BEND5: variants seen among roughly 807,000 people sequenced by gnomAD.
The protein encoded by BEND5 is BEN domain containing 5, also known as BEN domain-containing protein 5.
Under a neutral mutation model 43.9 loss-of-function variants are expected in BEND5, and 22 were observed. The observed-to-expected ratio is 0.50, with a 90% CI of 0.36 to 0.72. The LOEUF is 0.72. Among genes scored for constraint, BEND5 ranks in the 30% least tolerant of loss-of-function variants. The pLI is 0.00. For missense variants in BEND5, 428 were observed against 550.6 expected (o/e 0.78, Z 2.23); for synonymous variants, 228 against 225.9 (o/e 1.01, Z -0.08).
intron 5 of BEND5, among the ~76,000 whole-genome samples, chr1:48,729,461 G>T (rs1445808266): frequency 2.0e-5 from 3 of 152,150 alleles, no homozygotes; most frequent in African/African-American, 7.2e-5. Flanking sequence ...TCAACCTTGA[G>T]GAATTGCTAT....
intron 1 of BEND5, among the ~76,000 whole-genome samples, chr1:48,764,302 T>C (rs1035758750): frequency 2.0e-5 from 3 of 152,226 alleles, no homozygotes; most frequent in Non-Finnish European, 4.4e-5. Flanking sequence ...TCCTCATCTA[T>C]GAATTGAAGT....
chr1:48,743,502 A>T (rs1650257128), intron 3 of BEND5, among the ~76,000 whole-genome samples: 1 of 152,258 alleles, frequency 6.6e-6, no homozygotes, highest in African/African-American at 2.4e-5. Flanking sequence ...GCAGAGAAAC[A>T]GGATGAAAAT....
chr1:48,759,423 G>T, intron 2 of BEND5, 139 bp from the exon 3 acceptor site: 1 of 1,347,012 alleles, frequency 7.4e-7, no homozygotes, highest in Non-Finnish European at 9.7e-7. Context: ...CAAACACTTA[G>T]TCAAAGCCCT....
intron 4 of BEND5, among the ~76,000 whole-genome samples, chr1:48,739,483 A>G (rs1649575150): frequency 6.6e-6 from 1 of 152,184 alleles, no homozygotes; most frequent in South Asian, 2.1e-4. Flanking sequence ...CATCTACACT[A>G]CAAAATTCCG....
At chr1:48,751,728 TG>T (rs1394849722) in intron 3 of BEND5, among the ~76,000 whole-genome samples, 1 of 152,006 alleles carries the variant, frequency 6.6e-6, no homozygotes, top group Non-Finnish European at 1.5e-5. Context: ...ATTCTGACAA[TG>T]GGGAAAAGCC....
intron 3 of BEND5, among the ~76,000 whole-genome samples, chr1:48,756,716 C>T (rs1643949706): frequency 6.6e-6 from 1 of 152,212 alleles, no homozygotes; most frequent in Non-Finnish European, 1.5e-5. Context: ...ACATTAGCAT[C>T]CTCCTATTAA....
Position 48,759,118 on chromosome 1 carries a change from G to C in BEND5, c.527C>G (p.Ala176Gly). Residue 176 changes from alanine (A) to glycine (G), a missense_variant, in exon 3 of 6, where the codon GCT becomes GGT. Physicochemically the swap from Ala to Gly is moderately conservative, Grantham distance 60. Coordinates refer to ENST00000371833, the MANE Select transcript of BEND5 (RefSeq NM_024603.4). ...CTCATACAGAGCCCGGGGCACCACA[G>C]CATCTTCTAGACTGTCCATGTCCTC... The part of the protein sequence containing the change: ...GTEDMDSLED[A>G]VVPRALYEEL... 3 of 1,612,310 alleles carry C rather than the reference G, an allele frequency of 1.9e-6. No individual in the cohort carries two copies. Among genetic ancestry groups the C allele is most frequent in the Middle Eastern group, 1.7e-4 (1 of 6,046 alleles).
At chr1:48,749,885 G>A (rs1427019962) in intron 3 of BEND5, among the ~76,000 whole-genome samples, 2 of 152,210 alleles carry the variant, frequency 1.3e-5, no homozygotes, top group Non-Finnish European at 2.9e-5. Context: ...TTCAATGCAT[G>A]TAAAATGGAC....
At chr1:48,752,821 C>G (rs750629533) in intron 3 of BEND5, among the ~76,000 whole-genome samples, 3 of 152,064 alleles carry the variant, frequency 2.0e-5, no homozygotes, top group Non-Finnish European at 4.4e-5. Context: ...ATGATCTTGG[C>G]TCACTGCAAC....
intron 1 of BEND5, among the ~76,000 whole-genome samples, chr1:48,774,152 T>C (rs1644966332): frequency 6.6e-6 from 1 of 152,198 alleles, no homozygotes; most frequent in Non-Finnish European, 1.5e-5. Flanking sequence ...GTCAGAGAGA[T>C]TAATTAATCA....
intron 3 of BEND5, among the ~76,000 whole-genome samples, chr1:48,748,813 G>A (rs1309336380): frequency 6.6e-6 from 1 of 152,126 alleles, no homozygotes; most frequent in East Asian, 1.9e-4. Flanking sequence ...GGGGAGGTGG[G>A]GGAGTAGTGA....
intron 5 of BEND5, among the ~76,000 whole-genome samples, chr1:48,733,996 C>T (rs1648595513): frequency 6.6e-6 from 1 of 152,190 alleles, no homozygotes; most frequent in African/African-American, 2.4e-5. Flanking sequence ...CCAGGACCTC[C>T]TGAGTCACGT....
At chr1:48,755,929 A>T (rs1652470726) in intron 3 of BEND5, among the ~76,000 whole-genome samples, 1 of 152,212 alleles carries the variant, frequency 6.6e-6, no homozygotes, top group Non-Finnish European at 1.5e-5. Context: ...TCAATATTGT[A>T]AGAGGATACT....
chr1:48,762,200 G>A (rs940555921), intron 1 of BEND5, among the ~76,000 whole-genome samples: 9 of 152,072 alleles, frequency 5.9e-5, no homozygotes, highest in African/African-American at 1.9e-4. Flanking sequence ...CTGGCACCTC[G>A]CCCACTGCTT....
intron 3 of BEND5, among the ~76,000 whole-genome samples, chr1:48,750,626 C>A (rs955876460): frequency 6.6e-6 from 1 of 152,210 alleles, no homozygotes; most frequent in African/African-American, 2.4e-5. Flanking sequence ...AATTTGATTT[C>A]TCCGTGCCTA....
At chr1:48,752,097 C>T (rs1438962439) in intron 3 of BEND5, among the ~76,000 whole-genome samples, 2 of 152,154 alleles carry the variant, frequency 1.3e-5, no homozygotes, top group African/African-American at 4.8e-5. Context: ...AACTCTAAAC[C>T]GGCAGGCAGA....
intron 1 of BEND5, among the ~76,000 whole-genome samples, chr1:48,773,186 T>C (rs935168806): frequency 6.6e-6 from 1 of 151,810 alleles, no homozygotes; most frequent in African/African-American, 2.4e-5. Flanking sequence ...AGAGCACAGG[T>C]GCCTAGATAG....
intron 3 of BEND5, among the ~76,000 whole-genome samples, chr1:48,750,012 G>T (rs1218691633): frequency 2.0e-5 from 3 of 152,194 alleles, no homozygotes. Flanking sequence ...GTGCCTGAGG[G>T]TAGGAGTTAT....
In BEND5 at chr1:48,772,870, CTG is replaced by C. The variant is rs541059623; in HGVS notation, c.226+3734_226+3735del. Reference sequence around the variant, plus strand: ...AGCCCACCTTGAATTGGTCCATTCTCTGTGTTTCCCCAGTGCCTGGCTTCTAC... The same window carrying C: ...AGCCCACCTTGAATTGGTCCATTCTCTGTTTCCCCAGTGCCTGGCTTCTAC... On this transcript the variant is annotated intron_variant, in intron 1 of 5. Transcript: ENST00000371833. 7.9e-5 allele frequency among the ~76,000 whole-genome samples: 12 copies of C among 152,324 alleles called. No individual in the cohort carries two copies. In the East Asian group the frequency reaches 2.3e-3, roughly 29 times the overall value.
Sources: allele counts gnomAD v4.1 joint callset (sites outside exome capture counted in the v4.1 genomes callset), GRCh38; gene constraint gnomAD v4.1.1; transcripts MANE v1.5; gene names NCBI Gene and HGNC (gene_info 2026-07-23, HGNC 2026-07-21).